Variants in PCDHGA7 observed in about 807,000 individuals in gnomAD.
PCDHGA7 encodes the protein protocadherin gamma-A7.
PCDHGA7 carries 44 observed loss-of-function variants against 58.3 expected under a neutral mutation model. That is an observed-to-expected ratio of 0.75 (90% CI 0.59 to 0.97). The LOEUF is 0.97. PCDHGA7 is among the 50% of genes least tolerant of loss of function. The probability of loss-of-function intolerance (pLI) is 0.00; values close to 1 mark genes in which losing one functional copy is unlikely to be tolerated. For synonymous variants in PCDHGA7, 516 were observed against 504.2 expected (o/e 1.02, Z -0.31); for missense variants, 1,266 against 1,188.7 (o/e 1.06, Z -0.96).
chr5:141,417,004 AT>A (rs1462550813), intron 1 of PCDHGA7: 1 of 149,888 alleles, frequency 6.7e-6, no homozygotes, highest in African/African-American at 2.5e-5. Context: ...ATCTCAAATA[AT>A]TCTATTATTT....
chr5:141,387,851 C>T, intron 1 of PCDHGA7: 5 of 1,596,536 alleles, frequency 3.1e-6, no homozygotes, highest in Non-Finnish European at 4.3e-6. Flanking sequence ...CCGGCGTCTC[C>T]AGGCTGGTGA....
chr5:141,499,932 C>A (rs1169727162), intron 2 of PCDHGA7, among the ~76,000 whole-genome samples: 1 of 152,076 alleles, frequency 6.6e-6, no homozygotes, highest in Non-Finnish European at 1.5e-5. Context: ...AAGTGATCCA[C>A]CCTCCTCGGC....
At chr5:141,389,578 TG>T (rs1314978831) in intron 1 of PCDHGA7, 1 of 1,613,236 alleles carries the variant, frequency 6.2e-7, no homozygotes, top group South Asian at 1.1e-5. Context: ...TACCCCGCGC[TG>T]GGTCCCGACG....
chr5:141,403,343 C>T (rs774711306), intron 1 of PCDHGA7: 10 of 1,614,000 alleles, frequency 6.2e-6, no homozygotes, highest in Admixed American at 1.7e-5. Context: ...CGACAGCGCC[C>T]CAAAGTTCCA....
rs1363449 is a variant in PCDHGA7, at chr5:141,413,826, C to T, written c.2424+28503C>T. On this transcript the variant is annotated intron_variant, in intron 1 of 3. Coordinates refer to ENST00000518325, the MANE Select transcript of PCDHGA7 (RefSeq NM_018920.4). ...AGGCCATTCACCACCTGGTCCTCAC[C>T]GCCTCCGACGGGGGTGACCCTCTCC... 4,050 of 1,613,180 alleles carry T rather than the reference C, an allele frequency of 2.5e-3. 115 individuals are homozygous for T. In the African/African-American group the frequency reaches 0.047, roughly 19 times the overall value.
intron 1 of PCDHGA7, among the ~76,000 whole-genome samples, chr5:141,458,368 A>C (rs934670055): frequency 3.9e-5 from 6 of 152,112 alleles, no homozygotes; most frequent in Admixed American, 3.9e-4. Flanking sequence ...GAAGGAAGGG[A>C]GAAGAGAGAA....
rs1554136305 is a variant in PCDHGA7, at chr5:141,450,006, CT to C, written c.2425-44783del. Reference sequence around the variant, plus strand: ...CACATTGCATTTAGTTGCCATGTCTCTTTTTTTTTTTTTTTTTTGAGACAGG... The same window carrying C: ...CACATTGCATTTAGTTGCCATGTCTCTTTTTTTTTTTTTTTTTGAGACAGG... On this transcript the variant is annotated intron_variant, in intron 1 of 3. Coordinates refer to ENST00000518325, the MANE Select transcript of PCDHGA7 (RefSeq NM_018920.4). Among the ~76,000 whole-genome samples, 140 of 132,944 alleles carry C rather than the reference CT, an allele frequency of 1.1e-3. 2 individuals are homozygous for C. In the Middle Eastern group the frequency reaches 0.016, roughly 15 times the overall value. 87.2% of individuals were successfully genotyped at this position (132,944 alleles called of 152,430 possible). A position where few individuals can be genotyped will look rare whatever the true frequency, so the allele number is the denominator to read the frequency against.
Position 141,490,743 on chromosome 5 carries a change from C to T in PCDHGA7, c.2425-4064C>T, listed in dbSNP as rs1011278142. 7.4e-6 allele frequency: 12 copies of T among 1,614,058 alleles called. No homozygotes were observed. The highest frequency in any genetic ancestry group is 1.0e-5 in the Non-Finnish European group (12 of 1,180,038). On this transcript the variant is annotated intron_variant, in intron 1 of 3. Transcript: ENST00000518325. This position sits in a 1 kb window ranked among gnomAD's most constrained non-coding sequence, Gnocchi z 5.4. ...TTGTAGGAAATCAGGTTCAGGGAGC[C>T]CCAGCCTCCTCCTTTGTGTATGTCA...
At chr5:141,452,256 C>T (rs533770410) in intron 1 of PCDHGA7, among the ~76,000 whole-genome samples, 1 of 152,298 alleles carries the variant, frequency 6.6e-6, no homozygotes, top group African/African-American at 2.4e-5. Flanking sequence ...CCATAACTCT[C>T]TCATTTTCTT....
rs191188858 is a variant in PCDHGA7, at chr5:141,472,077, A to G, written c.2425-22730A>G. On this transcript the variant is annotated intron_variant, in intron 1 of 3. Transcript: ENST00000518325. ...GATTGACATGTCTGTGGTTATATCA[A>G]TGAGTACTATTATTATTCCCATTTT... 2.4e-3 allele frequency among the ~76,000 whole-genome samples: 365 copies of G among 152,346 alleles called. 2 individuals carry two copies. Among genetic ancestry groups the G allele is most frequent in the African/African-American group, 8.4e-3 (351 of 41,580 alleles).
In PCDHGA7 at chr5:141,385,048, C is replaced by A; in HGVS notation, c.2149C>A (p.Arg717=). ...FVLVLLALRL[R]RWHKSRLLQA... is the part of the protein sequence containing the mutation. ...CCTCGTACTGCTGGCGCTCAGGCTG[C>A]GGCGCTGGCACAAGTCACGCCTGCT... The change falls in exon 1 of 4, where the codon CGG becomes AGG. Residue 717 remains arginine, a synonymous_variant. Coordinates refer to ENST00000518325, the MANE Select transcript of PCDHGA7 (RefSeq NM_018920.4). The A allele has an allele frequency of 6.2e-7, 1 of 1,614,150 alleles. No homozygotes were observed. Among genetic ancestry groups the A allele is most frequent in the Non-Finnish European group, 8.5e-7 (1 of 1,180,050 alleles).
chr5:141,438,901 G>A (rs1039951275), intron 1 of PCDHGA7, among the ~76,000 whole-genome samples: 2 of 151,746 alleles, frequency 1.3e-5, no homozygotes, highest in African/African-American at 2.4e-5. Flanking sequence ...CCTGACCTCA[G>A]GTGATCCACC....
At chr5:141,452,879 A>C (rs1389712789) in intron 1 of PCDHGA7, among the ~76,000 whole-genome samples, 1 of 152,200 alleles carries the variant, frequency 6.6e-6, no homozygotes, top group Admixed American at 6.5e-5. Context: ...CATTTGTAAT[A>C]ATTTATTCCA....
intron 1 of PCDHGA7, chr5:141,478,393 G>A (rs2099452978): frequency 6.2e-7 from 1 of 1,613,488 alleles, no homozygotes; most frequent in South Asian, 1.1e-5. Flanking sequence ...TTTACCATCA[G>A]GTGTATCTCA....
chr5:141,389,432 C>A (rs1007591817), intron 1 of PCDHGA7: 2 of 1,610,650 alleles, frequency 1.2e-6, no homozygotes, highest in Non-Finnish European at 8.5e-7. Flanking sequence ...TCGCGCAGCG[C>A]GCCTTCGACC....
chr5:141,486,909 C>A lies in PCDHGA7; in HGVS notation c.2425-7898C>A, dbSNP rs759702188. On this transcript the variant is annotated intron_variant, in intron 1 of 3. Coordinates refer to ENST00000518325, the MANE Select transcript of PCDHGA7 (RefSeq NM_018920.4). The surrounding 1 kb of genome is among the most constrained non-coding windows in gnomAD (Gnocchi z 5.0). ...CGGCCTGGTTCCTTATGTCCCCAAGCACTGCCTCCATCAGTTGGTGCTGGC... is the reference window on the plus strand; with the variant it reads ...CGGCCTGGTTCCTTATGTCCCCAAGAACTGCCTCCATCAGTTGGTGCTGGC... 3.1e-6 allele frequency: 5 copies of A among 1,614,262 alleles called. No individual in the cohort carries two copies. The East Asian group carries it at 1.1e-4, about 36-fold the overall frequency.
intron 1 of PCDHGA7, chr5:141,423,760 G>A: frequency 1.1e-5 from 3 of 279,660 alleles, no homozygotes; most frequent in Non-Finnish European, 1.1e-5. Flanking sequence ...TGGGGGGGGG[G>A]TGGGGCGGCA....
At chr5:141,418,629 C>T in intron 1 of PCDHGA7, 1 of 1,614,014 alleles carries the variant, frequency 6.2e-7, no homozygotes, top group Non-Finnish European at 8.5e-7. Context: ...GACGTGCCTC[C>T]AGGCACCTCC....
chr5:141,486,090 G>T lies in PCDHGA7; in HGVS notation c.2425-8717G>T, dbSNP rs190955361. 2.5e-6 allele frequency: 4 copies of T among 1,614,086 alleles called. No individual in the cohort carries two copies. In the East Asian group the frequency reaches 8.9e-5, roughly 36 times the overall value. On this transcript the variant is annotated intron_variant, in intron 1 of 3. Transcript: ENST00000518325. This position sits in a 1 kb window ranked among gnomAD's most constrained non-coding sequence, Gnocchi z 5.0. Reference sequence around the variant, plus strand: ...ACTACTGGAAAGCTTACTCTTTTGGGGCCCCTAGACTTTGAGAGTGAGAAT... The same window carrying T: ...ACTACTGGAAAGCTTACTCTTTTGGTGCCCCTAGACTTTGAGAGTGAGAAT...
Sources: gnomAD v4.1 joint callset for allele counts (sites outside exome capture counted in the v4.1 genomes callset) on GRCh38, gnomAD v4.1.1 for gene constraint, Gnocchi (gnomAD v3.1) non-coding constraint, MANE v1.5 for transcripts, NCBI Gene and HGNC (gene_info 2026-07-23, HGNC 2026-07-21) for gene names.